Variants in TECR observed in about 807,000 individuals in gnomAD.
TECR encodes trans-2,3-enoyl-CoA reductase, also known as very-long-chain enoyl-CoA reductase.
Under a neutral mutation model 50.6 loss-of-function variants are expected in TECR, and 19 were observed. The observed-to-expected ratio is 0.38, with a 90% CI of 0.26 to 0.55. The LOEUF is 0.55. Ranked by LOEUF, TECR falls within the 20% of genes least tolerant of loss-of-function variation. The pLI is 0.79. For missense variants in TECR, 313 were observed against 408.3 expected (o/e 0.77, Z 2.01); for synonymous variants, 168 against 163.5 (o/e 1.03, Z -0.21).
intron 1 of TECR, among the ~76,000 whole-genome samples, chr19:14,551,927 C>T (rs955521151): frequency 8.1e-6 from 1 of 123,862 alleles, no homozygotes; most frequent in African/African-American, 3.0e-5. Flanking sequence ...CCCTCCCTCC[C>T]TCTCTCTCTC....
chr19:14,564,577 T>G, intron 7 of TECR: 1 of 151,920 alleles, frequency 6.6e-6, no homozygotes. Context: ...CCCGCCCCAG[T>G]TTCACCCCTA....
intron 1 of TECR, among the ~76,000 whole-genome samples, chr19:14,539,473 C>G (rs1016373473): frequency 6.6e-6 from 1 of 152,122 alleles, no homozygotes; most frequent in Non-Finnish European, 1.5e-5. Flanking sequence ...CCTAGGAGCA[C>G]ACTGCTTCTG....
intron 1 of TECR, among the ~76,000 whole-genome samples, chr19:14,555,371 C>T (rs2073683166): frequency 6.6e-6 from 1 of 151,516 alleles, no homozygotes. Flanking sequence ...GCCTCAGCCT[C>T]CTGAGTAGCT....
intron 1 of TECR, among the ~76,000 whole-genome samples, chr19:14,534,744 G>A (rs1231676910): frequency 2.0e-5 from 3 of 152,040 alleles, no homozygotes; most frequent in Admixed American, 2.0e-4. Flanking sequence ...GCCCAGGGGT[G>A]AGTCTTATTA....
At chr19:14,565,405 C>T in intron 11 of TECR, 115 bp downstream of exon 11, 1 of 1,429,010 alleles carries the variant, frequency 7.0e-7, no homozygotes, top group Non-Finnish European at 9.7e-7. Flanking sequence ...GCACTGCGAG[C>T]ATTGGGAGGT....
At chr19:14,557,536 C>T (rs530078823) in intron 1 of TECR, among the ~76,000 whole-genome samples, 1 of 149,922 alleles carries the variant, frequency 6.7e-6, no homozygotes, top group African/African-American at 2.5e-5. Context: ...ACTGCAACCT[C>T]CTCCTCCTGG....
At chr19:14,533,728 T>G (rs2072758849) in intron 1 of TECR, among the ~76,000 whole-genome samples, 1 of 152,166 alleles carries the variant, frequency 6.6e-6, no homozygotes, top group South Asian at 2.1e-4. Flanking sequence ...GGAAAAGTTT[T>G]CCACTCTGTG....
In TECR at chr19:14,565,856, C is replaced by G; in HGVS notation, c.912C>G (p.Ile304Met). 6.3e-7 allele frequency: 1 copy of G among 1,594,426 alleles called. No homozygotes were observed. The highest frequency in any genetic ancestry group is 8.5e-7 in the Non-Finnish European group (1 of 1,172,466). The change falls in exon 13 of 13, where the codon ATC becomes ATG. Residue 304 changes from isoleucine (I) to methionine (M), a missense_variant. Ile to Met is a conservative substitution (Grantham distance 10). Transcript: ENST00000215567. ...RDYPPLRMPI[I>M]PFLL ...ACCCGCCCCTGCGCATGCCCATCAT[C>G]CCCTTCCTGCTCTGAGCGCTCACCC...
At chr19:14,549,043 G>A (rs1599456637) in intron 1 of TECR, among the ~76,000 whole-genome samples, 1 of 151,766 alleles carries the variant, frequency 6.6e-6, no homozygotes, top group African/African-American at 2.4e-5. Flanking sequence ...GCTTAAAAAG[G>A]TAAAAACGTC....
intron 1 of TECR, among the ~76,000 whole-genome samples, chr19:14,541,035 AG>A (rs2073079707): frequency 6.6e-6 from 1 of 152,150 alleles, no homozygotes; most frequent in Non-Finnish European, 1.5e-5. Flanking sequence ...CATGTGGGCC[AG>A]GCTGATCTCG....
At chr19:14,561,237 ATT>A (rs1940674838) in intron 1 of TECR, among the ~76,000 whole-genome samples, 1 of 152,058 alleles carries the variant, frequency 6.6e-6, no homozygotes, top group South Asian at 2.1e-4. Context: ...GTTTCTGAGC[ATT>A]GTGTCCTGCT....
chr19:14,565,333 C>T (rs773125697), intron 11 of TECR, 43 bp downstream of exon 11: 1 of 1,608,366 alleles, frequency 6.2e-7, no homozygotes, highest in South Asian at 1.1e-5. Flanking sequence ...GACTTGGGGT[C>T]CCATGTGGAG....
At chr19:14,544,661 T>G in intron 1 of TECR, among the ~76,000 whole-genome samples, 1 of 147,188 alleles carries the variant, frequency 6.8e-6, no homozygotes, top group African/African-American at 2.5e-5. Context: ...TGAGACAGGG[T>G]CTCACTCTGT....
rs141624016 is a variant in TECR, at chr19:14,550,214, A to T, written c.16-12311A>T. Among the ~76,000 whole-genome samples, 19 of 152,104 alleles carry T rather than the reference A, an allele frequency of 1.2e-4. No individual in the cohort carries two copies. The East Asian group carries it at 3.5e-3, about 28-fold the overall frequency. On this transcript the variant is annotated intron_variant, in intron 1 of 12. Coordinates refer to ENST00000215567, the MANE Select transcript of TECR (RefSeq NM_138501.6). ...CGAGCCTCAGTTTCCTTACCTGCAA[A>T]AGAGGATGAATACATTGTAAAGGAG...
At chr19:14,540,083 G>A (rs1274175897) in intron 1 of TECR, among the ~76,000 whole-genome samples, 4 of 144,854 alleles carry the variant, frequency 2.8e-5, no homozygotes, top group African/African-American at 7.7e-5. Flanking sequence ...TTTTTGAGAC[G>A]GAGTCTCGCT....
intron 1 of TECR, among the ~76,000 whole-genome samples, chr19:14,538,978 T>A (rs1304854327): frequency 4.8e-5 from 7 of 146,018 alleles, no homozygotes; most frequent in African/African-American, 1.5e-4. Context: ...CAAGTCACAT[T>A]TTTTTTTTTT....
chr19:14,565,392 C>A, intron 11 of TECR, 102 bp downstream of exon 11: 1 of 1,474,222 alleles, frequency 6.8e-7, no homozygotes, highest in Non-Finnish European at 9.3e-7. Context: ...GCTTTTGCCG[C>A]CTGCACTGCG....
chr19:14,537,692 A>G (rs2072950490), intron 1 of TECR, among the ~76,000 whole-genome samples: 1 of 151,962 alleles, frequency 6.6e-6, no homozygotes, highest in African/African-American at 2.4e-5. Flanking sequence ...GGCAGCCAGA[A>G]TATAGTAATC....
Position 14,563,550 on chromosome 19 carries a change from TGG to T in TECR, c.119-105_119-104del. On this transcript the variant is annotated intron_variant, in intron 3 of 12. Transcript: ENST00000215567. The surrounding 1 kb of genome is among the most constrained non-coding windows in gnomAD (Gnocchi z 5.3). The stretch of plus-strand genomic sequence containing the variant: ...CCAGGTGGGAGGAGCTGTGGAGTCC[TGG>T]GGTCCTTGCACCCTGGGAACCCTGA... 6.9e-7 allele frequency: 1 copy of T among 1,454,936 alleles called. No individual in the cohort carries two copies. Among genetic ancestry groups the T allele is most frequent in the Non-Finnish European group, 9.5e-7 (1 of 1,048,388 alleles). The allele number at this position is 1,454,936 out of a possible 1,614,324, so 90.1% of individuals were successfully genotyped here.
Sources: allele counts gnomAD v4.1 joint callset (sites outside exome capture counted in the v4.1 genomes callset), GRCh38; gene constraint gnomAD v4.1.1; non-coding constraint Gnocchi (gnomAD v3.1); transcripts MANE v1.5; gene names NCBI Gene and HGNC (gene_info 2026-07-23, HGNC 2026-07-21).